DMD: variants seen among roughly 807,000 people sequenced by gnomAD.
The protein encoded by DMD is mutant dystrophin.
Under a neutral mutation model 330.1 loss-of-function variants are expected in DMD, and 63 were observed. The ratio of observed to expected loss-of-function variants is 0.19; its 90% CI spans 0.16 to 0.24. The LOEUF is 0.24. Among genes scored for constraint, DMD ranks in the 10% least tolerant of loss-of-function variants. DMD has a pLI of 1.00. For synonymous variants in DMD, 1,223 were observed against 959.8 expected (o/e 1.27, Z -5.07); for missense variants, 3,344 against 2,684.1 (o/e 1.25, Z -5.43).
intron 47 of DMD, among the ~76,000 whole-genome samples, chrX:31,915,113 T>C (rs1336819653): frequency 1.8e-5 from 2 of 112,394 alleles, no homozygotes; most frequent in African/African-American, 6.5e-5. Context: ...CACTGGACCA[T>C]GAGGAACCAT....
intron 26 of DMD, among the ~76,000 whole-genome samples, chrX:32,452,817 C>A (rs2098339753): frequency 9.0e-6 from 1 of 110,834 alleles, no homozygotes; most frequent in African/African-American, 3.3e-5. Context: ...CTAACAAAAC[C>A]CGTTTGTTAA....
intron 77 of DMD, among the ~76,000 whole-genome samples, chrX:31,131,960 T>C (rs1448400683): frequency 2.7e-5 from 3 of 112,099 alleles, no homozygotes; most frequent in African/African-American, 9.7e-5. Flanking sequence ...GATTTTCCAA[T>C]ACCTTAGCTA....
intron 29 of DMD, among the ~76,000 whole-genome samples, chrX:32,435,818 C>T (rs1383792728): frequency 9.0e-6 from 1 of 111,251 alleles, no homozygotes; most frequent in African/African-American, 3.3e-5. Context: ...CACTATGGGT[C>T]GTGTTTGACA....
At chrX:31,767,586 T>C (rs1241513675) in intron 51 of DMD, among the ~76,000 whole-genome samples, 2 of 112,228 alleles carry the variant, frequency 1.8e-5, no homozygotes, top group African/African-American at 6.5e-5. Context: ...ACTATTGTAA[T>C]AGCCACTTTC....
intron 44 of DMD, among the ~76,000 whole-genome samples, chrX:32,133,371 C>T (rs1329938041): frequency 2.7e-5 from 3 of 110,943 alleles, no homozygotes; most frequent in Non-Finnish European, 3.8e-5. Flanking sequence ...ATGTTAGAGT[C>T]CTTAGTCACG....
chrX:31,329,691 G>C (rs916906031), intron 61 of DMD, among the ~76,000 whole-genome samples: 8 of 110,329 alleles, frequency 7.3e-5, no homozygotes, highest in Admixed American at 1.9e-4. Context: ...GGTCCACCTC[G>C]GCCGGGCGCG....
Position 32,686,576 on chromosome X carries a change from A to G in DMD, c.960+11294T>C, listed in dbSNP as rs750248373. Among the ~76,000 whole-genome samples, 193 of 107,067 alleles carry G rather than the reference A, an allele frequency of 1.8e-3. 1 individual carries two copies. The highest frequency in any genetic ancestry group is 3.7e-3 in the Admixed American group (37 of 9,925). 93.0% of individuals were successfully genotyped at this position (107,067 alleles called of 115,157 possible). On this transcript the variant is annotated intron_variant, in intron 9 of 78. Coordinates refer to ENST00000357033, the MANE Select transcript of DMD (RefSeq NM_004006.3). ...CTCCATCTCAAAAAAAAAAAAAAAA[A>G]AAAAAAGAAAAGAAAAGAAAAGAAA...
chrX:31,860,674 C>T (rs1287096547), intron 48 of DMD, among the ~76,000 whole-genome samples: 1 of 111,916 alleles, frequency 8.9e-6, no homozygotes, highest in Non-Finnish European at 1.9e-5. Context: ...TGTTAAGCTT[C>T]CAGATAGTTA....
At chrX:33,154,947 T>C (rs997538921) in intron 1 of DMD, among the ~76,000 whole-genome samples, 1 of 112,184 alleles carries the variant, frequency 8.9e-6, no homozygotes, top group Admixed American at 9.5e-5. Context: ...CATTTTCTTA[T>C]CCATGTGATT....
chrX:32,944,751 C>T (rs1414857852), intron 2 of DMD, among the ~76,000 whole-genome samples: 1 of 109,380 alleles, frequency 9.1e-6, no homozygotes, highest in Non-Finnish European at 1.9e-5. Context: ...ATTACAGGCG[C>T]CTGCCATCAT....
chrX:32,414,839 T>C (rs188183071), intron 29 of DMD, among the ~76,000 whole-genome samples: 306 of 112,194 alleles, frequency 2.7e-3, no homozygotes, highest in African/African-American at 9.6e-3. Flanking sequence ...GTATCCAAGA[T>C]TGGTGACCGA....
intron 1 of DMD, among the ~76,000 whole-genome samples, chrX:33,298,165 T>C (rs2053610508): frequency 1.8e-5 from 2 of 111,457 alleles, no homozygotes; most frequent in Admixed American, 1.9e-4. Context: ...GCCACAAGCA[T>C]GTGATGATCA....
chrX:31,730,169 G>A (rs1050909296), intron 51 of DMD, among the ~76,000 whole-genome samples: 1 of 111,652 alleles, frequency 9.0e-6, no homozygotes, highest in East Asian at 2.8e-4. Context: ...GCACAGAACC[G>A]ATTTAAGAGA....
intron 1 of DMD, among the ~76,000 whole-genome samples, chrX:33,046,001 G>T (rs753058371): frequency 9.0e-6 from 1 of 111,560 alleles, no homozygotes; most frequent in South Asian, 3.8e-4. Flanking sequence ...GCAGGTACTG[G>T]TTCACTTCAG....
chrX:32,643,681 GAAT>G (rs1310436189), intron 11 of DMD, among the ~76,000 whole-genome samples: 1 of 111,335 alleles, frequency 9.0e-6, no homozygotes, highest in East Asian at 2.8e-4. Context: ...CAAAACGTTT[GAAT>G]AATGTTTTTC....
chrX:31,995,583 T>A (rs2095579536), intron 44 of DMD, among the ~76,000 whole-genome samples: 1 of 111,301 alleles, frequency 9.0e-6, no homozygotes, highest in Non-Finnish European at 1.9e-5. Flanking sequence ...CTTTGTTGAA[T>A]GGAAAGGGAG....
rs1556962392 is a variant in DMD, at chrX:31,875,254, T to C, written c.7032A>G (p.Leu2344=). The C allele has an allele frequency of 5.0e-6, 6 of 1,208,169 alleles. No homozygotes were observed. The highest frequency in any genetic ancestry group is 5.6e-6 in the Non-Finnish European group (5 of 893,452). The change falls in exon 48 of 79, where the codon TTA becomes TTG. Residue 2344 remains leucine (L), a synonymous_variant. Coordinates refer to ENST00000357033, the MANE Select transcript of DMD (RefSeq NM_004006.3). ...TTTCCAACTGATTCCTAATAGGAGA[T>C]AACCACAGCAGCAGATGATTTAACT... ...EEQLNHLLLW[L]SPIRNQLEIY...
chrX:31,142,337 C>G (rs769016311), intron 76 of DMD, among the ~76,000 whole-genome samples: 2 of 111,237 alleles, frequency 1.8e-5, no homozygotes, highest in East Asian at 5.6e-4. Context: ...AATCCACAAA[C>G]TATATACACG....
At chrX:32,069,365 A>G (rs1221066040) in intron 44 of DMD, among the ~76,000 whole-genome samples, 3 of 111,765 alleles carry the variant, frequency 2.7e-5, no homozygotes, top group Non-Finnish European at 1.9e-5. Flanking sequence ...AGATTTTTAA[A>G]AGGTAATAAT....
Sources: allele counts gnomAD v4.1 joint callset (sites outside exome capture counted in the v4.1 genomes callset), GRCh38; gene constraint gnomAD v4.1.1; transcripts MANE v1.5; gene names NCBI Gene and HGNC (gene_info 2026-07-23, HGNC 2026-07-21).